Variants in CAPRIN1 observed in about 807,000 individuals in gnomAD.
CAPRIN1 encodes cell cycle associated protein 1, also known as caprin-1.
In CAPRIN1, 29 loss-of-function variants were observed where a neutral mutation model predicts 100.9. The observed-to-expected ratio is 0.29, with a 90% confidence interval of 0.21 to 0.39. The LOEUF is 0.39. Among genes scored for constraint, CAPRIN1 ranks in the 10% least tolerant of loss-of-function variants. CAPRIN1 has a pLI of 1.00. For missense variants in CAPRIN1, 795 were observed against 876.7 expected (o/e 0.91, Z 1.18); for synonymous variants, 338 against 307.5 (o/e 1.10, Z -1.04).
At chr11:34,075,453 C>T (rs1850887266) in intron 4 of CAPRIN1, among the ~76,000 whole-genome samples, 1 of 151,966 alleles carries the variant, frequency 6.6e-6, no homozygotes, top group Non-Finnish European at 1.5e-5. Context: ...TCAGCCTTTC[C>T]AGGAAAGAAA....
At chr11:34,098,599 C>G (rs572569176) in intron 18 of CAPRIN1, 1 of 985,078 alleles carries the variant, frequency 1.0e-6, no homozygotes, top group South Asian at 4.7e-5. Flanking sequence ...CTAGTAGAAA[C>G]TGGCCAGGAA....
At chr11:34,066,661 C>CGGAG (rs1008266168) in intron 2 of CAPRIN1, among the ~76,000 whole-genome samples, 1 of 148,886 alleles carries the variant, frequency 6.7e-6, no homozygotes, top group African/African-American at 2.5e-5. Flanking sequence ...TTTTTTGAGA[C>CGGAG]GGAGTCTCAC....
intron 2 of CAPRIN1, among the ~76,000 whole-genome samples, chr11:34,064,077 A>G (rs978357909): frequency 6.6e-6 from 1 of 152,160 alleles, no homozygotes; most frequent in African/African-American, 2.4e-5. Flanking sequence ...CTGAAGATAC[A>G]TTTTTATGCT....
intron 9 of CAPRIN1, among the ~76,000 whole-genome samples, chr11:34,085,421 C>G (rs1323067524): frequency 1.3e-5 from 2 of 152,132 alleles, no homozygotes; most frequent in Non-Finnish European, 2.9e-5. Flanking sequence ...ATATATAAAT[C>G]CAGTTACTAT....
chr11:34,083,489 A>T (rs1851073298), intron 9 of CAPRIN1, among the ~76,000 whole-genome samples: 2 of 152,124 alleles, frequency 1.3e-5, no homozygotes, highest in Admixed American at 1.3e-4. Context: ...CCTCATGTCT[A>T]GTTCAGTGAC....
At chr11:34,054,120 T>C (rs1344507291) in intron 2 of CAPRIN1, among the ~76,000 whole-genome samples, 1 of 152,230 alleles carries the variant, frequency 6.6e-6, no homozygotes, top group Non-Finnish European at 1.5e-5. Flanking sequence ...TTATATATTT[T>C]ACATTTTGGG....
chr11:34,093,176 G>C (rs1851295530), intron 15 of CAPRIN1, among the ~76,000 whole-genome samples: 1 of 144,932 alleles, frequency 6.9e-6, no homozygotes, highest in Non-Finnish European at 1.5e-5. Context: ...GCTCGATAGA[G>C]ATACTTTAGA....
At chr11:34,067,453 GAATA>G (rs1448322954) in intron 2 of CAPRIN1, among the ~76,000 whole-genome samples, 1 of 151,510 alleles carries the variant, frequency 6.6e-6, no homozygotes, top group East Asian at 1.9e-4. Flanking sequence ...TACTAAATCA[GAATA>G]AATAGGCATG....
intron 2 of CAPRIN1, among the ~76,000 whole-genome samples, chr11:34,069,052 A>G (rs1175741103): frequency 6.6e-6 from 1 of 150,902 alleles, no homozygotes; most frequent in Non-Finnish European, 1.5e-5. Flanking sequence ...AGGCCCTCCT[A>G]TTTGCGTATT....
rs143969719 is a variant in CAPRIN1 at position 34,054,693 on chromosome 11, C to T, written c.216+2057C>T. ...CCGCCCGCCTTGGTCTTCCAAAGTG[C>T]TGTTACAGGAGTGAGCCCCTGTGCC... On this transcript the variant is annotated intron_variant, in intron 2 of 18. Coordinates refer to ENST00000341394, the MANE Select transcript of CAPRIN1 (RefSeq NM_005898.5). 5.5e-3 allele frequency among the ~76,000 whole-genome samples: 838 copies of T among 152,294 alleles called. 9 individuals carry two copies. The highest frequency in any genetic ancestry group is 0.019 in the African/African-American group (779 of 41,548).
chr11:34,080,632 T>G (rs557155349), intron 7 of CAPRIN1, among the ~76,000 whole-genome samples: 1 of 152,238 alleles, frequency 6.6e-6, no homozygotes, highest in Non-Finnish European at 1.5e-5. Context: ...ATAACTCTTA[T>G]GTTGATGAGT....
In CAPRIN1 at chr11:34,082,808, A is replaced by AT. The variant is rs769902204; in HGVS notation, c.827-11dup. 2.2e-5 allele frequency: 36 copies of AT among 1,610,306 alleles called. 1 individual carries two copies. The Middle Eastern group carries it at 1.0e-3, about 45-fold the overall frequency. Reference sequence around the variant, plus strand: ...CCTAAAAATCCTTTTGTTTTGCACCATTTTTTAACCTCTTAGAACCTGAGC... The same window carrying AT: ...CCTAAAAATCCTTTTGTTTTGCACCATTTTTTTAACCTCTTAGAACCTGAGC... On this transcript the variant is annotated splice_polypyrimidine_tract_variant and intron_variant, in intron 7 of 18. Coordinates refer to ENST00000341394, the MANE Select transcript of CAPRIN1 (RefSeq NM_005898.5).
chr11:34,063,836 T>C (rs560902832), intron 2 of CAPRIN1, among the ~76,000 whole-genome samples: 3 of 152,136 alleles, frequency 2.0e-5, no homozygotes, highest in Admixed American at 6.5e-5. Context: ...GTTTCGCCCT[T>C]GTTGCCCAGG....
intron 2 of CAPRIN1, among the ~76,000 whole-genome samples, chr11:34,058,991 A>T (rs1483935926): frequency 6.6e-6 from 1 of 152,154 alleles, no homozygotes; most frequent in Non-Finnish European, 1.5e-5. Flanking sequence ...AGTATAGAAG[A>T]GTGAGAGGAG....
chr11:34,059,881 T>C (rs1181069198), intron 2 of CAPRIN1, among the ~76,000 whole-genome samples: 1 of 1,340 alleles, frequency 7.5e-4, no homozygotes, highest in Non-Finnish European at 6.0e-3. Flanking sequence ...GAAGAATACT[T>C]TTTTTTTTTT....
chr11:34,080,517 T>G (rs988960880), intron 7 of CAPRIN1, among the ~76,000 whole-genome samples: 1 of 152,214 alleles, frequency 6.6e-6, no homozygotes, highest in Non-Finnish European at 1.5e-5. Flanking sequence ...CTCCATAATC[T>G]TGAACTATAA....
At chr11:34,077,083 A>G (rs758139276) in intron 6 of CAPRIN1, among the ~76,000 whole-genome samples, 2 of 152,232 alleles carry the variant, frequency 1.3e-5, no homozygotes, top group African/African-American at 4.8e-5. Flanking sequence ...TTAGAAATGT[A>G]TACATAGCAT....
At chr11:34,083,236 T>C (rs994984058) in intron 9 of CAPRIN1, among the ~76,000 whole-genome samples, 195 bp downstream of exon 9, 8 of 152,248 alleles carry the variant, frequency 5.3e-5, no homozygotes, top group African/African-American at 1.4e-4. Context: ...CCTGCTTTGC[T>C]GAACCAATCT....
At chr11:34,055,303 A>C (rs1274583904) in intron 2 of CAPRIN1, among the ~76,000 whole-genome samples, 2 of 151,582 alleles carry the variant, frequency 1.3e-5, no homozygotes, top group African/African-American at 2.4e-5. Flanking sequence ...AGCTGTGATT[A>C]CAAGTGTGCG....
Sources: gnomAD v4.1 joint callset for allele counts (sites outside exome capture counted in the v4.1 genomes callset) on GRCh38, gnomAD v4.1.1 for gene constraint, MANE v1.5 for transcripts, NCBI Gene and HGNC (gene_info 2026-07-23, HGNC 2026-07-21) for gene names.